NOL10: variants seen among roughly 807,000 people sequenced by gnomAD.
The protein encoded by NOL10 is H_NH0074G24.1.
NOL10 carries 58 observed loss-of-function variants against 103.5 expected under a neutral mutation model. The ratio of observed to expected loss-of-function variants is 0.56; its 90% CI spans 0.45 to 0.70. The LOEUF (loss-of-function observed/expected upper bound fraction) is 0.70, where lower values mean the gene tolerates loss of function less well. Among genes scored for constraint, NOL10 ranks in the 30% least tolerant of loss-of-function variants. The probability of loss-of-function intolerance (pLI) is 0.00; values close to 1 mark genes in which losing one functional copy is unlikely to be tolerated. For missense variants in NOL10, 763 were observed against 807.3 expected, an observed-to-expected ratio of 0.95 and a Z score of 0.67; for synonymous variants, 287 against 282.5, an observed-to-expected ratio of 1.02 and a Z score of -0.16.
In NOL10 at chr2:10,589,560, T is replaced by A; in HGVS notation, c.1596+18A>T. On this transcript the variant is annotated intron_variant, in intron 18 of 20. Transcript: ENST00000381685. ...TAAAGAAACAGTAGCAAATTCTAACTGATAAGGAGTACATTACTTTTTCAC... is the reference window on the plus strand; with the variant it reads ...TAAAGAAACAGTAGCAAATTCTAACAGATAAGGAGTACATTACTTTTTCAC... The A allele has an allele frequency of 6.6e-7, 1 of 1,522,386 alleles. No homozygotes were observed. The allele number at this position is 1,522,386 out of a possible 1,614,324, so 94.3% of individuals were successfully genotyped here.
Position 10,589,293 on chromosome 2 carries a change from G to A in NOL10, c.1597-3C>T. 6.2e-7 allele frequency: 1 copy of A among 1,612,900 alleles called. No homozygotes were observed. ...CCTTCCGGCTCTTCCTCCTCTTCCT[G>A]AGAATAAAAATAGTAAGCAGCAACT... On this transcript the variant is annotated splice_region_variant and splice_polypyrimidine_tract_variant and intron_variant, in intron 18 of 20. Transcript: ENST00000381685.
intron 6 of NOL10, among the ~76,000 whole-genome samples, chr2:10,669,519 C>T (rs912016138): frequency 2.8e-4 from 26 of 94,196 alleles, no homozygotes; most frequent in South Asian, 2.0e-3. Flanking sequence ...TATATACACA[C>T]ACACACACAC....
intron 9 of NOL10, among the ~76,000 whole-genome samples, chr2:10,659,743 A>G (rs780975265): frequency 2.6e-5 from 4 of 152,184 alleles, no homozygotes; most frequent in Non-Finnish European, 4.4e-5. Flanking sequence ...AATCAAAGTT[A>G]CACTTTATAT....
At chr2:10,578,254 C>T (rs1674557891) in intron 19 of NOL10, among the ~76,000 whole-genome samples, 1 of 152,212 alleles carries the variant, frequency 6.6e-6, no homozygotes, top group Non-Finnish European at 1.5e-5. Context: ...TTTTCCTTCA[C>T]TCAGTCTTAA....
At position 10,590,202 on chromosome 2, in the gene NOL10, G is replaced by GCT. The variant is rs1368276117; in HGVS notation, c.1423-453_1423-452dup. On this transcript the variant is annotated intron_variant, in intron 17 of 20. Coordinates refer to ENST00000381685, the MANE Select transcript of NOL10 (RefSeq NM_024894.4). ...GCTCACTGCAGCCCCAACCTCCTGGGCTCAAGTGATCCTCCCACCTCAGTC... is the reference window on the plus strand; with the variant it reads ...GCTCACTGCAGCCCCAACCTCCTGGGCTCTCAAGTGATCCTCCCACCTCAGTC... Among the ~76,000 whole-genome samples, 3 of 152,266 alleles carry GCT rather than the reference G, an allele frequency of 2.0e-5. No homozygotes were observed. The East Asian group carries it at 5.8e-4, about 29-fold the overall frequency.
intron 13 of NOL10, among the ~76,000 whole-genome samples, chr2:10,609,358 C>T (rs1303065708): frequency 2.1e-5 from 3 of 141,060 alleles, no homozygotes; most frequent in Admixed American, 7.9e-5. Context: ...GAGGCCGAGG[C>T]GGGAGGATCA....
intron 1 of NOL10, among the ~76,000 whole-genome samples, chr2:10,688,173 T>C (rs1320865395): frequency 6.6e-6 from 1 of 152,160 alleles, no homozygotes; most frequent in African/African-American, 2.4e-5. Context: ...TTTTAGCATC[T>C]TCTTTGTTAC....
chr2:10,652,758 G>A (rs996576530), intron 12 of NOL10, among the ~76,000 whole-genome samples: 1 of 151,954 alleles, frequency 6.6e-6, no homozygotes, highest in Non-Finnish European at 1.5e-5. Flanking sequence ...ACCACTTCTG[G>A]GATAATCGCA....
intron 14 of NOL10, among the ~76,000 whole-genome samples, chr2:10,605,202 T>C (rs1318074936): frequency 6.6e-6 from 1 of 152,184 alleles, no homozygotes; most frequent in East Asian, 1.9e-4. Context: ...GTGCCCACAA[T>C]ATCAGCCACT....
At chr2:10,677,308 T>C (rs149918282) in intron 3 of NOL10, among the ~76,000 whole-genome samples, 13 of 152,216 alleles carry the variant, frequency 8.5e-5, no homozygotes, top group Non-Finnish European at 1.6e-4. Context: ...CTCCGTGAAG[T>C]GCAATTTCGG....
At chr2:10,614,267 A>T (rs1676721844) in intron 13 of NOL10, among the ~76,000 whole-genome samples, 1 of 151,958 alleles carries the variant, frequency 6.6e-6, no homozygotes, top group Non-Finnish European at 1.5e-5. Context: ...GCCCGCTATT[A>T]GAATTTAAAT....
chr2:10,679,610 T>TC, intron 3 of NOL10, among the ~76,000 whole-genome samples: 1 of 138,044 alleles, frequency 7.2e-6, no homozygotes, highest in African/African-American at 2.5e-5. Context: ...CTTCCTCTCT[T>TC]TCTCTCTCTT....
At chr2:10,640,502 G>C (rs928723880) in intron 13 of NOL10, among the ~76,000 whole-genome samples, 3 of 152,184 alleles carry the variant, frequency 2.0e-5, no homozygotes, top group Non-Finnish European at 4.4e-5. Context: ...GGGCTCTCTG[G>C]ATGTTTTTTT....
chr2:10,654,400 T>C, intron 12 of NOL10, 81 bp downstream of exon 12: 1 of 1,039,858 alleles, frequency 9.6e-7, no homozygotes, highest in South Asian at 1.6e-5. Flanking sequence ...AAGTATAGCC[T>C]TTTTATTTGT....
rs1174892590 is a variant in NOL10 at position 10,587,076 on chromosome 2, TACATATATATACATATATATAC to T, written c.1844+1945_1844+1966del. The stretch of plus-strand genomic sequence containing the variant: ...ATATACATATATATATACATATATA[TACATATATATACATATATATAC>T]ACATATATATACATATATATACATA... On this transcript the variant is annotated intron_variant, in intron 19 of 20. Coordinates refer to ENST00000381685, the MANE Select transcript of NOL10 (RefSeq NM_024894.4). 9.1e-5 allele frequency among the ~76,000 whole-genome samples: 5 copies of T among 55,118 alleles called. 1 individual carries two copies. Among genetic ancestry groups the T allele is most frequent in the East Asian group, 3.3e-4 (1 of 3,024 alleles). 36.2% of individuals were successfully genotyped at this position (55,118 alleles called of 152,430 possible). A position where few individuals can be genotyped will look rare whatever the true frequency, so the allele number is the denominator to read the frequency against.
intron 19 of NOL10, among the ~76,000 whole-genome samples, chr2:10,582,865 A>G (rs1238942080): frequency 6.6e-6 from 1 of 152,158 alleles, no homozygotes; most frequent in African/African-American, 2.4e-5. Flanking sequence ...CTTTCCATCA[A>G]GTTATTGGCT....
intron 13 of NOL10, among the ~76,000 whole-genome samples, chr2:10,614,759 T>C (rs554478359): frequency 1.6e-4 from 24 of 152,352 alleles, no homozygotes; most frequent in Admixed American, 1.2e-3. Context: ...ATATACACAC[T>C]ATACATAGCT....
At chr2:10,591,107 T>C (rs1675367760) in intron 17 of NOL10, 1 of 152,222 alleles carries the variant, frequency 6.6e-6, no homozygotes, top group South Asian at 2.1e-4. Flanking sequence ...ATTATTTGTA[T>C]GTACCTAAAA....
At chr2:10,608,885 G>A (rs1382031733) in intron 13 of NOL10, among the ~76,000 whole-genome samples, 1 of 152,114 alleles carries the variant, frequency 6.6e-6, no homozygotes, top group African/African-American at 2.4e-5. Context: ...CTTCATATTA[G>A]TGCAATCTAC....
Sources: gnomAD v4.1 joint callset for allele counts (sites outside exome capture counted in the v4.1 genomes callset) on GRCh38, gnomAD v4.1.1 for gene constraint, MANE v1.5 for transcripts, NCBI Gene and HGNC (gene_info 2026-07-23, HGNC 2026-07-21) for gene names.